Variants in PALD1 observed in about 807,000 individuals in gnomAD.
PALD1 encodes paladin.
In PALD1, 57 loss-of-function variants were observed where a neutral mutation model predicts 96.0. The ratio of observed to expected loss-of-function variants is 0.59; its 90% CI spans 0.48 to 0.74. The LOEUF is 0.74. PALD1 is among the 30% of genes least tolerant of loss of function. The probability of loss-of-function intolerance (pLI) is 0.00; values close to 1 mark genes in which losing one functional copy is unlikely to be tolerated. For synonymous variants in PALD1, 464 were observed against 473.6 expected (o/e 0.98, Z 0.26); for missense variants, 1,063 against 1,143.7 (o/e 0.93, Z 1.02).
Position 70,567,577 on chromosome 10 carries a change from G to C in PALD1, c.*844G>C, listed in dbSNP as rs1297681773. The C allele has an allele frequency of 1.3e-5, 2 of 153,016 alleles. No individual in the cohort carries two copies. Among genetic ancestry groups the C allele is most frequent in the Admixed American group, 6.5e-5 (1 of 15,284 alleles). 9.5% of individuals were successfully genotyped at this position (153,016 alleles called of 1,614,324 possible). ...CTCTCTGTCCCGGCAGCCCAGGATG[G>C]CCTGGTGCCCCCACCTGCTGCAGCA... On this transcript the variant is annotated 3_prime_UTR_variant, in exon 20 of 20. Coordinates refer to ENST00000263563, the MANE Select transcript of PALD1 (RefSeq NM_014431.3).
chr10:70,566,526 T>G, intron 19 of PALD1, 55 bp from the exon 20 acceptor site: 3 of 1,429,162 alleles, frequency 2.1e-6, no homozygotes, highest in Non-Finnish European at 2.9e-6. Context: ...CTCAGTGGCC[T>G]TAGTGGCACC....
At chr10:70,469,253 C>A in the PALD1 span, among the ~76,000 whole-genome samples, 3 of 152,174 alleles carry the variant, frequency 2.0e-5, no homozygotes, top group Non-Finnish European at 4.4e-5. Flanking sequence ...GGCCTTAAAC[C>A]CTCCGAGGGG....
chr10:70,541,226 C>T lies in PALD1; in HGVS notation c.2033C>T (p.Ala678Val), dbSNP rs1214061006. The change falls in exon 16 of 20, where the codon GCC becomes GTC. Residue 678 changes from alanine (A) to valine (V), a missense_variant. By Grantham distance (64) the Ala-to-Val change is moderately conservative. Transcript: ENST00000263563. ...ACTGCGATGGTGGTGGCTGTCCTGG[C>T]CTTCTGGCACATCCAAGTACGTGTG... ...TTTAMVVAVL[A>V]FWHIQGFPEV... is the part of the protein sequence containing the mutation. 2 of 1,607,028 alleles carry T rather than the reference C, an allele frequency of 1.2e-6. No individual in the cohort carries two copies. The highest frequency in any genetic ancestry group is 1.3e-5 in the African/African-American group (1 of 74,558).
rs117332624 is a variant in PALD1 at position 70,528,661 on chromosome 10, G to A, written c.186-568G>A. ...TCTTCTTCAGGGTACAGGCTAGGCC[G>A]CTGTCATAAAGTAACCCAGATAAGA... On this transcript the variant is annotated intron_variant, in intron 2 of 19. Transcript: ENST00000263563. Among the ~76,000 whole-genome samples, 61 of 152,270 alleles carry A rather than the reference G, an allele frequency of 4.0e-4. No individual in the cohort carries two copies. In the East Asian group the frequency reaches 8.5e-3, roughly 21 times the overall value.
the PALD1 span, among the ~76,000 whole-genome samples, chr10:70,459,297 A>G: frequency 6.6e-6 from 1 of 152,238 alleles, no homozygotes; most frequent in East Asian, 1.9e-4. Flanking sequence ...AGGTCACTGC[A>G]GTCAGAGGCG....
At chr10:70,473,881 C>G (rs965147848), upstream of PALD1, among the ~76,000 whole-genome samples, 4 of 52,766 alleles carry the variant, frequency 7.6e-5, no homozygotes, top group African/African-American at 1.2e-4. Flanking sequence ...CTCCTGACCT[C>G]AGGTGATCCA....
At chr10:70,544,451 G>T (rs1228374346) in intron 17 of PALD1, among the ~76,000 whole-genome samples, 3 of 152,084 alleles carry the variant, frequency 2.0e-5, no homozygotes, top group African/African-American at 4.8e-5. Flanking sequence ...TCAGTCTGGG[G>T]GCCCCAGCAG....
intron 18 of PALD1, among the ~76,000 whole-genome samples, chr10:70,553,570 C>T (rs1421841241): frequency 2.0e-5 from 3 of 152,204 alleles, no homozygotes; most frequent in Middle Eastern, 3.2e-3. Flanking sequence ...GACATTTTTA[C>T]GACCACCGTC....
In PALD1 at chr10:70,539,889, G is replaced by A; in HGVS notation, c.1908+127G>A. On this transcript the variant is annotated intron_variant, in intron 15 of 19. Transcript: ENST00000263563. The surrounding 1 kb of genome is among the most constrained non-coding windows in gnomAD (Gnocchi z 4.5). ...CTACGGGGCCCGGGAATGGTCTCAC[G>A]AGGTTTTCCGATTTGGCCCAAGTGG... is the stretch of plus-strand genomic sequence containing the variant. The A allele has an allele frequency of 6.6e-6, 5 of 757,620 alleles. No homozygotes were observed. Among genetic ancestry groups the A allele is most frequent in the Admixed American group, 3.0e-5 (1 of 33,476 alleles). 46.9% of individuals were successfully genotyped at this position (757,620 alleles called of 1,614,324 possible). A position where few individuals can be genotyped will look rare whatever the true frequency, so the allele number is the denominator to read the frequency against.
intron 11 of PALD1, 30 bp downstream of exon 11, chr10:70,537,936 C>G: frequency 2.8e-6 from 4 of 1,446,108 alleles, no homozygotes; most frequent in Non-Finnish European, 3.9e-6. Flanking sequence ...GACCCACGTC[C>G]CCTCCTCCTG....
chr10:70,504,033 A>C, intron 1 of PALD1, among the ~76,000 whole-genome samples: 1 of 152,190 alleles, frequency 6.6e-6, no homozygotes, highest in Non-Finnish European at 1.5e-5. Context: ...GGGCAAGTTA[A>C]CCCGGACCAT....
intron 18 of PALD1, among the ~76,000 whole-genome samples, chr10:70,560,434 CAAAT>C (rs371339518): frequency 0.012 from 1,800 of 152,166 alleles, 10 homozygotes; most frequent in Middle Eastern, 0.037. Flanking sequence ...GCTAAACAAA[CAAAT>C]AAACAAACAA....
intron 1 of PALD1, among the ~76,000 whole-genome samples, chr10:70,496,228 G>C (rs917453413): frequency 1.3e-5 from 2 of 152,150 alleles, no homozygotes; most frequent in African/African-American, 2.4e-5. Flanking sequence ...GCAGTCCTCA[G>C]GGGAGGGCAG....
At chr10:70,528,301 C>T (rs1476942420) in intron 2 of PALD1, among the ~76,000 whole-genome samples, 5 of 152,196 alleles carry the variant, frequency 3.3e-5, no homozygotes, top group African/African-American at 9.6e-5. Context: ...CCTGGTTTAG[C>T]ATCTACAGAA....
chr10:70,557,267 T>C (rs1444776748), intron 18 of PALD1, among the ~76,000 whole-genome samples: 1 of 152,162 alleles, frequency 6.6e-6, no homozygotes, highest in Non-Finnish European at 1.5e-5. Context: ...AGGACCAGTC[T>C]GGGGCCCATG....
At chr10:70,468,652 G>A in the PALD1 span, among the ~76,000 whole-genome samples, 3 of 152,064 alleles carry the variant, frequency 2.0e-5, no homozygotes, top group Non-Finnish European at 4.4e-5. Context: ...CTTATGGACG[G>A]GGTGTAGTGG....
At chr10:70,532,593 G>A (rs539993222) in intron 5 of PALD1, 28 bp from the exon 6 acceptor site, 17 of 1,608,050 alleles carry the variant, frequency 1.1e-5, no homozygotes, top group Non-Finnish European at 1.4e-5. Context: ...TCAGGCCATG[G>A]CCCTCTGACC....
At position 70,533,968 on chromosome 10, in the gene PALD1, C is replaced by G; in HGVS notation, c.917C>G (p.Pro306Arg). ...LQLRDAHGPP[P>R]ALVFSCQMGV... ...CTCCGTGATGCCCACGGGCCTCCCC[C>G]AGCCCTCGTCTTCAGCTGCCAGATG... Residue 306 changes from proline (P) to arginine (R), a missense_variant, in exon 8 of 20, where the codon CCA (proline) becomes CGA (arginine). Physicochemically the swap from Pro to Arg is moderately radical, Grantham distance 103 (BLOSUM62 -2). Coordinates refer to ENST00000263563, the MANE Select transcript of PALD1 (RefSeq NM_014431.3). 5.6e-6 allele frequency: 9 copies of G among 1,613,234 alleles called. No individual in the cohort carries two copies. The highest frequency in any genetic ancestry group is 7.6e-6 in the Non-Finnish European group (9 of 1,179,576).
chr10:70,532,375 G>A (rs1847010102), intron 5 of PALD1, among the ~76,000 whole-genome samples: 1 of 152,214 alleles, frequency 6.6e-6, no homozygotes, highest in Non-Finnish European at 1.5e-5. Flanking sequence ...TGGCACTGGT[G>A]GCTTTGTGAA....
Sources: gnomAD v4.1 joint callset for allele counts (sites outside exome capture counted in the v4.1 genomes callset) on GRCh38, gnomAD v4.1.1 for gene constraint, Gnocchi (gnomAD v3.1) non-coding constraint, MANE v1.5 for transcripts, NCBI Gene and HGNC (gene_info 2026-07-23, HGNC 2026-07-21) for gene names.